CHN2: variants seen among roughly 807,000 people sequenced by gnomAD.
CHN2 encodes chimerin 2, also known as beta-chimaerin.
Under a neutral mutation model 56.3 loss-of-function variants are expected in CHN2, and 35 were observed. The observed-to-expected ratio is 0.62, with a 90% CI of 0.47 to 0.82. CHN2 has a LOEUF of 0.82. Ranked by LOEUF, CHN2 falls within the 40% of genes least tolerant of loss-of-function variation. The probability of loss-of-function intolerance (pLI) is 0.00; values close to 1 mark genes in which losing one functional copy is unlikely to be tolerated. For synonymous variants in CHN2, 210 were observed against 212.8 expected, an observed-to-expected ratio of 0.99 and a Z score of 0.12; for missense variants, 491 against 580.5, an observed-to-expected ratio of 0.85 and a Z score of 1.58.
rs146919606 is a variant in CHN2, at chr7:29,146,951, T to C, written c.265T>C (p.Cys89Arg). Reference sequence around the variant, plus strand: ...GTTCGCTGATGGTCTACATTCCAGCTGCACTAGCAGTAAGCTCGCACCAAG... The same window carrying C: ...GTTCGCTGATGGTCTACATTCCAGCCGCACTAGCAGTAAGCTCGCACCAAG... The change falls in exon 2 of 7, where the codon TGC becomes CGC. Residue 89 changes from cysteine (C) to arginine (R), a missense_variant. Cys to Arg is a radical substitution (Grantham distance 180, BLOSUM62 -3). Transcript: ENST00000439384. 521 of 1,551,102 alleles carry C rather than the reference T, an allele frequency of 3.4e-4. No individual in the cohort carries two copies. The African/African-American group carries it at 6.5e-3, about 19-fold the overall frequency.
At chr7:29,352,042 GAAC>G (rs1325220057) in intron 1 of CHN2, among the ~76,000 whole-genome samples, 2 of 152,164 alleles carry the variant, frequency 1.3e-5, no homozygotes, top group African/African-American at 2.4e-5. Context: ...GGTTTCCACA[GAAC>G]AACAAGACTG....
chr7:29,212,551 C>A, intron 1 of CHN2: 2 of 1,482,826 alleles, frequency 1.3e-6, no homozygotes, highest in Admixed American at 1.7e-5. Flanking sequence ...AGAATAATGC[C>A]CCAAAAAAGG....
chr7:29,483,911 A>G (rs1418180002), intron 7 of CHN2: 7 of 1,297,682 alleles, frequency 5.4e-6, no homozygotes, highest in East Asian at 5.6e-5. Context: ...CCTCATCTAT[A>G]AAATGGGAGT....
At chr7:29,195,947 C>G (rs942819132) in intron 1 of CHN2, among the ~76,000 whole-genome samples, 10 of 152,098 alleles carry the variant, frequency 6.6e-5, no homozygotes, top group African/African-American at 2.4e-4. Flanking sequence ...ACTTTAATGA[C>G]AAACCCAAAG....
chr7:29,429,645 C>T (rs886545927), intron 6 of CHN2, among the ~76,000 whole-genome samples: 2 of 151,996 alleles, frequency 1.3e-5, no homozygotes, highest in Non-Finnish European at 2.9e-5. Context: ...AGGTTCAGTT[C>T]CCTGGAAAAT....
At chr7:29,364,240 C>T (rs1798963387) in intron 2 of CHN2, among the ~76,000 whole-genome samples, 1 of 152,224 alleles carries the variant, frequency 6.6e-6, no homozygotes. Flanking sequence ...CCCAGACTCT[C>T]CATTCATCCT....
intron 1 of CHN2, among the ~76,000 whole-genome samples, chr7:29,240,903 C>A (rs1735753060): frequency 1.3e-5 from 2 of 150,650 alleles, no homozygotes; most frequent in South Asian, 4.2e-4. Flanking sequence ...TTCCTTCTTT[C>A]TTCTTCTAGT....
chr7:29,248,180 A>C (rs1006499921), intron 1 of CHN2, among the ~76,000 whole-genome samples: 1 of 152,246 alleles, frequency 6.6e-6, no homozygotes, highest in Non-Finnish European at 1.5e-5. Context: ...AGTGTGGGCC[A>C]GAGCGTCTGG....
At chr7:29,497,490 TG>T (rs963251755) in intron 8 of CHN2, among the ~76,000 whole-genome samples, 4 of 151,844 alleles carry the variant, frequency 2.6e-5, no homozygotes, top group Non-Finnish European at 5.9e-5. Context: ...TTTCTGGTTT[TG>T]TTTTTTTTTT....
intron 1 of CHN2, among the ~76,000 whole-genome samples, chr7:29,226,447 T>A (rs982742643): frequency 2.0e-5 from 3 of 152,198 alleles, no homozygotes; most frequent in Non-Finnish European, 2.9e-5. Flanking sequence ...TTTCCTGCCA[T>A]GAAGACAGTT....
intron 7 of CHN2, 37 bp downstream of exon 7, chr7:29,480,393 A>G: frequency 6.3e-7 from 1 of 1,593,796 alleles, no homozygotes; most frequent in Non-Finnish European, 8.6e-7. Flanking sequence ...CTGTTACAAA[A>G]GGGCAGGTGG....
intron 6 of CHN2, among the ~76,000 whole-genome samples, chr7:29,403,156 C>T (rs922737200): frequency 2.6e-5 from 4 of 151,944 alleles, no homozygotes; most frequent in African/African-American, 4.8e-5. Flanking sequence ...TTACTTGGTA[C>T]GAATCCATCC....
At chr7:29,352,950 C>G (rs1421796020) in intron 1 of CHN2, among the ~76,000 whole-genome samples, 2 of 152,104 alleles carry the variant, frequency 1.3e-5, no homozygotes, top group Non-Finnish European at 2.9e-5. Context: ...TGGGTTAAAG[C>G]CTTGCTATTA....
At chr7:29,227,399 G>A (rs559987342) in intron 1 of CHN2, among the ~76,000 whole-genome samples, 6 of 152,266 alleles carry the variant, frequency 3.9e-5, no homozygotes, top group South Asian at 4.1e-4. Context: ...CCTGTTAAAG[G>A]TTTGTCTGCT....
intron 1 of CHN2, among the ~76,000 whole-genome samples, chr7:29,259,121 C>A (rs552159060): frequency 6.6e-6 from 1 of 151,744 alleles, no homozygotes; most frequent in African/African-American, 2.4e-5. Flanking sequence ...TGAACCCAGG[C>A]GTTTGAGACC....
chr7:29,388,601 G>A (rs959007116), intron 3 of CHN2, among the ~76,000 whole-genome samples: 4 of 152,164 alleles, frequency 2.6e-5, no homozygotes, highest in African/African-American at 9.7e-5. Context: ...AATTCCCACA[G>A]ATCTGGCCTC....
chr7:29,146,846 T>A lies in CHN2; in HGVS notation c.163-3T>A, dbSNP rs1300114405. On this transcript the variant is annotated splice_region_variant and splice_polypyrimidine_tract_variant and intron_variant, in intron 1 of 6. Coordinates refer to the CHN2 transcript ENST00000439384. The stretch of plus-strand genomic sequence containing the variant: ...GTATTTTGAAATTATTTCTGCACTC[T>A]AGGACTTACTTGCAAGCCCAGGATT... The A allele has an allele frequency of 1.9e-6, 3 of 1,551,118 alleles. No individual in the cohort carries two copies. The East Asian group carries it at 7.3e-5, about 38-fold the overall frequency.
At chr7:29,489,056 C>T (rs1281371882) in intron 7 of CHN2, among the ~76,000 whole-genome samples, 1 of 152,170 alleles carries the variant, frequency 6.6e-6, no homozygotes, top group Non-Finnish European at 1.5e-5. Flanking sequence ...GAGAATACTG[C>T]CTTCCAGATT....
At chr7:29,492,383 AGCT>A (rs1387606821) in intron 7 of CHN2, among the ~76,000 whole-genome samples, 2 of 151,912 alleles carry the variant, frequency 1.3e-5, no homozygotes, top group Non-Finnish European at 2.9e-5. Flanking sequence ...AGTTTCATTT[AGCT>A]TTTTTTTAAT....
Sources: gnomAD v4.1 joint callset for allele counts (sites outside exome capture counted in the v4.1 genomes callset) on GRCh38, gnomAD v4.1.1 for gene constraint, MANE v1.5 for transcripts, NCBI Gene and HGNC (gene_info 2026-07-23, HGNC 2026-07-21) for gene names.